The following UBAC2 variants were observed in gnomAD, a reference collection of about 807,000 sequenced individuals.
UBAC2 encodes UBA domain containing 2, also known as ubiquitin-associated domain-containing protein 2.
Under a neutral mutation model 44.0 loss-of-function variants are expected in UBAC2, and 26 were observed. The ratio of observed to expected loss-of-function variants is 0.59; its 90% CI spans 0.43 to 0.82. The LOEUF is 0.82. Ranked by LOEUF, UBAC2 falls within the 40% of genes least tolerant of loss-of-function variation. UBAC2 has a pLI of 0.00. For missense variants in UBAC2, 329 were observed against 419.4 expected, an observed-to-expected ratio of 0.78 and a Z score of 1.88; for synonymous variants, 155 against 154.3, an observed-to-expected ratio of 1.00 and a Z score of -0.04.
intron 8 of UBAC2, among the ~76,000 whole-genome samples, chr13:99,381,739 C>G (rs2045554793): frequency 1.3e-5 from 2 of 152,204 alleles, no homozygotes; most frequent in South Asian, 4.1e-4. Context: ...CCTCCAGCCC[C>G]TCTCCCTGCA....
intron 8 of UBAC2, among the ~76,000 whole-genome samples, chr13:99,369,910 A>T (rs980559400): frequency 2.6e-5 from 4 of 152,206 alleles, no homozygotes; most frequent in Admixed American, 2.0e-4. Flanking sequence ...AATTTGAGGG[A>T]CATTCTGTAA....
chr13:99,295,580 T>A lies in UBAC2; in HGVS notation c.390-18517T>A, dbSNP rs369665605. The A allele has an allele frequency of 1.1e-5, 17 of 1,613,946 alleles. No individual in the cohort carries two copies. The Middle Eastern group carries it at 6.6e-4, about 62-fold the overall frequency. ...CAGAATCCAGGGAAGAGATTTAGTTTCTTCAAAGTTTGGATACTCCATGCA... is the reference window on the plus strand; with the variant it reads ...CAGAATCCAGGGAAGAGATTTAGTTACTTCAAAGTTTGGATACTCCATGCA... On this transcript the variant is annotated intron_variant, in intron 4 of 8. Transcript: ENST00000403766. The surrounding 1 kb of genome is among the most constrained non-coding windows in gnomAD (Gnocchi z 4.1).
At chr13:99,233,789 A>T (rs1406704467) in intron 1 of UBAC2, among the ~76,000 whole-genome samples, 2 of 152,142 alleles carry the variant, frequency 1.3e-5, no homozygotes, top group Non-Finnish European at 2.9e-5. Context: ...TCTTAATTGT[A>T]AACTTTTTCA....
At chr13:99,357,406 A>AT (rs879831496) in intron 7 of UBAC2, among the ~76,000 whole-genome samples, 9 of 152,204 alleles carry the variant, frequency 5.9e-5, no homozygotes, top group Admixed American at 2.6e-4. Flanking sequence ...TTAGTTTTTA[A>AT]TGTACGTTTG....
chr13:99,356,106 A>T (rs1488570009), intron 7 of UBAC2: 1 of 519,458 alleles, frequency 1.9e-6, no homozygotes, highest in Non-Finnish European at 4.0e-6. Context: ...AGTAAACAAG[A>T]CTTGGGACAC....
intron 4 of UBAC2, among the ~76,000 whole-genome samples, chr13:99,300,639 G>A (rs1427889484): frequency 1.3e-5 from 2 of 152,186 alleles, no homozygotes; most frequent in African/African-American, 4.8e-5. Context: ...GCAGGAAAAT[G>A]GTTTTTAGTG....
intron 4 of UBAC2, among the ~76,000 whole-genome samples, chr13:99,277,981 G>A (rs2043906179): frequency 6.6e-6 from 1 of 152,152 alleles, no homozygotes; most frequent in Non-Finnish European, 1.5e-5. Context: ...CCCCATAGAA[G>A]GGCCTTTCCT....
intron 7 of UBAC2, among the ~76,000 whole-genome samples, chr13:99,345,011 T>C (rs2044952334): frequency 6.6e-6 from 1 of 152,156 alleles, no homozygotes; most frequent in Admixed American, 6.5e-5. Flanking sequence ...GAGCCACTGG[T>C]GTGGACTGAT....
intron 1 of UBAC2, among the ~76,000 whole-genome samples, chr13:99,204,404 G>A (rs1189038324): frequency 6.6e-6 from 1 of 152,204 alleles, no homozygotes; most frequent in Non-Finnish European, 1.5e-5. Context: ...AGAGAGGCAG[G>A]AAGCAATGAA....
At chr13:99,214,524 T>C (rs1465287023) in intron 1 of UBAC2, among the ~76,000 whole-genome samples, 1 of 152,136 alleles carries the variant, frequency 6.6e-6, no homozygotes, top group Non-Finnish European at 1.5e-5. Context: ...GAAGCAGGAC[T>C]GTGAGAACCC....
At chr13:99,308,462 G>C (rs1354063485) in intron 4 of UBAC2, among the ~76,000 whole-genome samples, 1 of 152,196 alleles carries the variant, frequency 6.6e-6, no homozygotes, top group Non-Finnish European at 1.5e-5. Context: ...ACTGGACATA[G>C]CTTTTGGATC....
chr13:99,299,421 C>G (rs937041345), intron 4 of UBAC2, among the ~76,000 whole-genome samples: 4 of 151,914 alleles, frequency 2.6e-5, no homozygotes, highest in African/African-American at 9.7e-5. Flanking sequence ...ATACAACATG[C>G]CACTTTTTTG....
At chr13:99,221,905 T>C (rs2043055726) in intron 1 of UBAC2, among the ~76,000 whole-genome samples, 1 of 152,168 alleles carries the variant, frequency 6.6e-6, no homozygotes, top group Admixed American at 6.5e-5. Flanking sequence ...GTCTCACCTT[T>C]TACTCTTAGA....
chr13:99,350,905 GTGTCC>G (rs2045075745), intron 7 of UBAC2, among the ~76,000 whole-genome samples: 1 of 152,198 alleles, frequency 6.6e-6, no homozygotes, highest in Non-Finnish European at 1.5e-5. Flanking sequence ...CACCCTGCTG[GTGTCC>G]ACTGGAGCAC....
chr13:99,287,436 T>A (rs1029740992), intron 4 of UBAC2, among the ~76,000 whole-genome samples: 1 of 152,008 alleles, frequency 6.6e-6, no homozygotes, highest in African/African-American at 2.4e-5. Context: ...TCTTTTTTTT[T>A]TAAATTTTGA....
intron 1 of UBAC2, among the ~76,000 whole-genome samples, chr13:99,232,253 A>C (rs995223365): frequency 6.6e-6 from 1 of 152,066 alleles, no homozygotes; most frequent in Non-Finnish European, 1.5e-5. Flanking sequence ...AATATTTAAC[A>C]TATTCAAAAA....
chr13:99,374,294 T>G (rs151140947), intron 8 of UBAC2, among the ~76,000 whole-genome samples: 46 of 152,310 alleles, frequency 3.0e-4, no homozygotes, highest in Non-Finnish European at 4.9e-4. Flanking sequence ...CTCCTATTTT[T>G]AGAAAAAGCA....
At position 99,345,745 on chromosome 13, in the gene UBAC2, T is replaced by C. The variant is rs113323581; in HGVS notation, c.807+5180T>C. On this transcript the variant is annotated intron_variant, in intron 7 of 8. Coordinates refer to ENST00000403766, the MANE Select transcript of UBAC2 (RefSeq NM_001144072.2). ...GTACTGTTTCTTTTTTTCTTTCTTTTTTTTTTTTTTTTTTTGAGACAGAGT... is the reference window on the plus strand; with the variant it reads ...GTACTGTTTCTTTTTTTCTTTCTTTCTTTTTTTTTTTTTTTGAGACAGAGT... Among the ~76,000 whole-genome samples, 261 of 87,952 alleles carry C rather than the reference T, an allele frequency of 3.0e-3. 2 individuals carry two copies. The highest frequency in any genetic ancestry group is 5.0e-3 in the Middle Eastern group (1 of 200). 57.7% of individuals were successfully genotyped at this position (87,952 alleles called of 152,430 possible).
At chr13:99,201,365 C>T in intron 1 of UBAC2, 1 of 1,575,316 alleles carries the variant, frequency 6.3e-7, no homozygotes, top group East Asian at 2.3e-5. Context: ...CCCCCACTTG[C>T]AAAGTTCAGC....
Sources: gnomAD v4.1 joint callset for allele counts (sites outside exome capture counted in the v4.1 genomes callset) on GRCh38, gnomAD v4.1.1 for gene constraint, Gnocchi (gnomAD v3.1) non-coding constraint, MANE v1.5 for transcripts, NCBI Gene and HGNC (gene_info 2026-07-23, HGNC 2026-07-21) for gene names.